The following ENO4 variants were observed in gnomAD, a reference collection of about 807,000 sequenced individuals.
ENO4 encodes the protein enolase 4.
Under a neutral mutation model 63.2 loss-of-function variants are expected in ENO4, and 53 were observed. The observed-to-expected ratio is 0.84, with a 90% CI of 0.67 to 1.05. The LOEUF is 1.05. ENO4 is among the 50% of genes least tolerant of loss of function. The probability of loss-of-function intolerance (pLI) is 0.00; values close to 1 mark genes in which losing one functional copy is unlikely to be tolerated. For missense variants in ENO4, 719 were observed against 772.0 expected, an observed-to-expected ratio of 0.93 and a Z score of 0.81; for synonymous variants, 266 against 283.8, an observed-to-expected ratio of 0.94 and a Z score of 0.63.
downstream of ENO4, among the ~76,000 whole-genome samples, chr10:116,886,992 G>C (rs1246943786): frequency 6.6e-6 from 1 of 152,000 alleles, no homozygotes; most frequent in African/African-American, 2.4e-5. Context: ...CTGGTTGCAG[G>C]GTAGTGCTGA....
At chr10:116,912,210 C>T (rs533309562), downstream of ENO4, among the ~76,000 whole-genome samples, 112 of 152,314 alleles carry the variant, frequency 7.4e-4, 2 homozygotes, top group South Asian at 0.022. Flanking sequence ...CCTCTACCTG[C>T]ATTGCTGGAC....
chr10:116,852,686 A>G (rs1226159926), intron 1 of ENO4, among the ~76,000 whole-genome samples: 2 of 152,192 alleles, frequency 1.3e-5, no homozygotes, highest in Non-Finnish European at 1.5e-5. Context: ...GGATGTCCCA[A>G]TTACCCTACT....
chr10:116,849,558 TC>T lies in ENO4; in HGVS notation c.-8del. 6.5e-7 allele frequency: 1 copy of T among 1,529,024 alleles called. No individual in the cohort carries two copies. Among genetic ancestry groups the T allele is most frequent in the Non-Finnish European group, 8.8e-7 (1 of 1,137,198 alleles). 94.7% of individuals were successfully genotyped at this position (1,529,024 alleles called of 1,614,324 possible). ...GGCTAAACCCCGCTGTAGCCTTAAA[TC>T]TCCTACCATGGAGGAAGAAGGCGGC... On this transcript the variant is annotated 5_prime_UTR_variant, in exon 1 of 14. Transcript: ENST00000341276.
intron 1 of ENO4, among the ~76,000 whole-genome samples, chr10:116,852,596 C>A (rs772942647): frequency 1.3e-5 from 2 of 152,188 alleles, no homozygotes; most frequent in Non-Finnish European, 2.9e-5. Flanking sequence ...AGGACCTTGA[C>A]AAACACGATA....
chr10:116,879,883 T>C lies in ENO4; in HGVS notation c.1620T>C (p.Gly540=), dbSNP rs915510903. The change falls in exon 13 of 14, where the codon GGT becomes GGC. Residue 540 remains glycine (G), a synonymous_variant. Coordinates refer to ENST00000341276, the MANE Select transcript of ENO4 (RefSeq NM_001242699.2). ...CCCCCTTTCAGGCTGTTGGGCTTGG[T>C]GTCCGGTTCATCAAGTTGGGGGGTC... ...DSLVDLAVGL[G]VRFIKLGGLS... is the part of the protein sequence containing the mutation. The C allele has an allele frequency of 6.5e-7, 1 of 1,550,278 alleles. No homozygotes were observed. Among genetic ancestry groups the C allele is most frequent in the African/African-American group, 1.4e-5 (1 of 73,034 alleles).
At chr10:116,911,784 T>C in exon 11 of ENO4, 1 of 1,608,482 alleles carries the variant, frequency 6.2e-7, no homozygotes, top group Non-Finnish European at 8.5e-7. Flanking sequence ...TGAAATCTAT[T>C]CTTACCAGTA....
intron 10 of ENO4, chr10:116,911,471 A>T: frequency 6.5e-7 from 1 of 1,549,780 alleles, no homozygotes. Context: ...TTTTTCATCA[A>T]CATGTACGGA....
intron 7 of ENO4, among the ~76,000 whole-genome samples, chr10:116,864,727 A>G (rs1364251506): frequency 6.6e-6 from 1 of 152,084 alleles, no homozygotes; most frequent in Admixed American, 6.5e-5. Flanking sequence ...AAAAAAATAA[A>G]TAAGTAGATA....
intron 13 of ENO4, 115 bp from the exon 14 acceptor site, chr10:116,881,400 G>C (rs770988493): frequency 1.3e-6 from 1 of 745,564 alleles, no homozygotes; most frequent in Non-Finnish European, 2.1e-6. Context: ...AGTCCTTTCC[G>C]ATGGTGATGT....
chr10:116,911,740 CTCCTT>C (rs762517958), exon 11 of ENO4: 49 of 1,574,898 alleles, frequency 3.1e-5, no homozygotes, highest in Admixed American at 2.5e-4. Context: ...TTAAAATACT[CTCCTT>C]TCATTTCCCC....
intron 7 of ENO4, among the ~76,000 whole-genome samples, chr10:116,867,133 CTTTG>C (rs1035133725): frequency 3.3e-5 from 5 of 152,086 alleles, no homozygotes; most frequent in Non-Finnish European, 7.4e-5. Context: ...AATCACCATG[CTTTG>C]TTTTAGTAAT....
chr10:116,882,748 C>T (rs1293166262), downstream of ENO4: 1 of 152,148 alleles, frequency 6.6e-6, no homozygotes, highest in Non-Finnish European at 1.5e-5. Context: ...ACTCTTTATT[C>T]TCAAAGCTAT....
At chr10:116,850,796 G>T (rs771309257) in intron 1 of ENO4, among the ~76,000 whole-genome samples, 33 of 152,106 alleles carry the variant, frequency 2.2e-4, no homozygotes, top group Non-Finnish European at 3.4e-4. Context: ...AGGTAAAAAT[G>T]ATGATTCCCA....
chr10:116,849,725 G>A lies in ENO4; in HGVS notation c.159G>A (p.Gly53=), dbSNP rs1190503064. 1 of 1,521,518 alleles carries A rather than the reference G, an allele frequency of 6.6e-7. No individual in the cohort carries two copies. The highest frequency in any genetic ancestry group is 8.8e-7 in the Non-Finnish European group (1 of 1,132,354). The allele number at this position is 1,521,518 out of a possible 1,614,324, so 94.3% of individuals were successfully genotyped here. Residue 53 remains glycine, a synonymous_variant, in exon 1 of 14, where the codon GGG becomes GGA. Coordinates refer to ENST00000341276, the MANE Select transcript of ENO4 (RefSeq NM_001242699.2). Reference sequence around the variant, plus strand: ...ACCTCCAGCCTGCCGACGTCTACGGGCACCTGGTAGGGACCTGGGACAAGC... The same window carrying A: ...ACCTCCAGCCTGCCGACGTCTACGGACACCTGGTAGGGACCTGGGACAAGC... ...TFYLQPADVY[G]HLANCFSKLA...
intron 10 of ENO4, among the ~76,000 whole-genome samples, chr10:116,893,572 ATG>A (rs1491451966): frequency 6.8e-6 from 1 of 147,012 alleles, no homozygotes; most frequent in Admixed American, 6.9e-5. Flanking sequence ...ATAGGCACTC[ATG>A]TGCACACACA....
At chr10:116,887,586 G>C (rs1334557142), downstream of ENO4, among the ~76,000 whole-genome samples, 1 of 152,146 alleles carries the variant, frequency 6.6e-6, no homozygotes, top group Non-Finnish European at 1.5e-5. Flanking sequence ...ACCAGGAGTT[G>C]GTTTCTACTA....
chr10:116,908,843 C>G (rs1848076144), intron 10 of ENO4, among the ~76,000 whole-genome samples: 1 of 152,114 alleles, frequency 6.6e-6, no homozygotes, highest in Non-Finnish European at 1.5e-5. Context: ...TGAAGGAATC[C>G]ATTTTCCATG....
chr10:116,863,734 G>A (rs372407356), intron 7 of ENO4, among the ~76,000 whole-genome samples: 152 of 152,288 alleles, frequency 1.0e-3, no homozygotes, highest in Middle Eastern at 3.4e-3. Flanking sequence ...CTGCAGGCAG[G>A]GGGCACGGGC....
intron 7 of ENO4, among the ~76,000 whole-genome samples, chr10:116,867,466 G>C (rs1846576768): frequency 6.6e-6 from 1 of 150,540 alleles, no homozygotes. Flanking sequence ...GTGCACGCTT[G>C]TTGTCCCAGT....
Sources: allele counts gnomAD v4.1 joint callset (sites outside exome capture counted in the v4.1 genomes callset), GRCh38; gene constraint gnomAD v4.1.1; transcripts MANE v1.5; gene names NCBI Gene and HGNC (gene_info 2026-07-23, HGNC 2026-07-21).